FASTKD1: variants seen among roughly 807,000 people sequenced by gnomAD.
FASTKD1 encodes the protein FAST kinase domains 1.
Under a neutral mutation model 90.9 loss-of-function variants are expected in FASTKD1, and 94 were observed. The observed-to-expected ratio is 1.03, with a 90% CI of 0.88 to 1.23. The LOEUF is 1.23. FASTKD1 is among the 50% of genes most tolerant of loss of function. FASTKD1 has a pLI of 0.00. For synonymous variants in FASTKD1, 319 were observed against 345.8 expected (o/e 0.92, Z 0.86); for missense variants, 945 against 993.5 (o/e 0.95, Z 0.66).
chr2:169,560,289 G>A lies in FASTKD1; in HGVS notation c.971+98C>T, dbSNP rs1683517839. ...TTATTTTCCCTTCCACAACCTAATA[G>A]GGTGATATTTGTACCTTCCAGAGCT... On this transcript the variant is annotated intron_variant, in intron 5 of 14. Coordinates refer to ENST00000453153, the MANE Select transcript of FASTKD1 (RefSeq NM_024622.6). 3.4e-6 allele frequency: 3 copies of A among 874,980 alleles called. No individual in the cohort carries two copies. In the East Asian group the frequency reaches 8.1e-5, roughly 23 times the overall value. The allele number at this position is 874,980 out of a possible 1,614,324, so 54.2% of individuals were successfully genotyped here.
At chr2:169,571,290 A>T (rs1327554148) in intron 2 of FASTKD1, 1 of 155,300 alleles carries the variant, frequency 6.4e-6, no homozygotes, top group Non-Finnish European at 1.4e-5. Flanking sequence ...TAGACCTGGC[A>T]CAGTGGCTCA....
At chr2:169,550,156 C>T (rs1215331930) in intron 7 of FASTKD1, among the ~76,000 whole-genome samples, 1 of 151,862 alleles carries the variant, frequency 6.6e-6, no homozygotes, top group Non-Finnish European at 1.5e-5. Context: ...TACAGGTGCA[C>T]ACCACCATGC....
At chr2:169,562,816 C>A (rs1160528305) in intron 4 of FASTKD1, among the ~76,000 whole-genome samples, 1 of 152,082 alleles carries the variant, frequency 6.6e-6, no homozygotes, top group Non-Finnish European at 1.5e-5. Flanking sequence ...TGGATCACAA[C>A]CCATTATGGG....
chr2:169,540,018 G>A, intron 10 of FASTKD1, 33 bp downstream of exon 10: 1 of 1,361,826 alleles, frequency 7.3e-7, no homozygotes, highest in Non-Finnish European at 1.0e-6. Flanking sequence ...AAGTACAACA[G>A]ATAATTAAAT....
At chr2:169,533,753 GTA>G (rs1559137610) in intron 12 of FASTKD1, among the ~76,000 whole-genome samples, 1 of 152,130 alleles carries the variant, frequency 6.6e-6, no homozygotes, top group African/African-American at 2.4e-5. Flanking sequence ...AAAAGATGTT[GTA>G]TAAGCATATC....
chr2:169,556,710 G>A (rs752902143), intron 6 of FASTKD1, among the ~76,000 whole-genome samples: 6 of 151,194 alleles, frequency 4.0e-5, no homozygotes, highest in Non-Finnish European at 8.9e-5. Context: ...CTGTAATCCG[G>A]GCTACTCAGG....
chr2:169,568,401 CTCTA>C (rs1684081145), intron 3 of FASTKD1, among the ~76,000 whole-genome samples: 2 of 151,938 alleles, frequency 1.3e-5, no homozygotes, highest in Admixed American at 6.6e-5. Context: ...ATAGCTGTGA[CTCTA>C]TCTTATTTAT....
At chr2:169,573,193 C>A (rs1052367786) in intron 1 of FASTKD1, 1 of 152,156 alleles carries the variant, frequency 6.6e-6, no homozygotes, top group East Asian at 1.9e-4. Context: ...GCCAAACAGT[C>A]TGTTCACAAG....
chr2:169,554,108 C>CA (rs368580097), intron 7 of FASTKD1, among the ~76,000 whole-genome samples: 15,923 of 118,474 alleles, frequency 0.13, 1,023 homozygotes, highest in South Asian at 0.23. Flanking sequence ...CCCATCTCTA[C>CA]AAAAAAAAAA....
intron 12 of FASTKD1, among the ~76,000 whole-genome samples, chr2:169,536,349 C>T (rs953189801): frequency 2.0e-5 from 3 of 151,996 alleles, no homozygotes; most frequent in Non-Finnish European, 4.4e-5. Context: ...CACTATCTGT[C>T]CTCCTTTGTT....
chr2:169,546,182 A>G, intron 8 of FASTKD1, 36 bp downstream of exon 8: 1 of 1,506,820 alleles, frequency 6.6e-7, no homozygotes, highest in Non-Finnish European at 8.8e-7. Context: ...GAAGTTGACA[A>G]CTCTATAAAA....
chr2:169,537,175 T>C, intron 12 of FASTKD1, 52 bp downstream of exon 12: 1 of 1,075,524 alleles, frequency 9.3e-7, no homozygotes, highest in Non-Finnish European at 1.4e-6. Context: ...ATGATTCTAT[T>C]CAAATTAGTT....
chr2:169,570,712 G>C (rs12467047), intron 2 of FASTKD1, among the ~76,000 whole-genome samples: 25,686 of 139,076 alleles, frequency 0.18, 2,385 homozygotes, highest in South Asian at 0.27. Context: ...GTCTCACTCT[G>C]TCGCCCAGAA....
In FASTKD1 at chr2:169,537,222, C is replaced by A. The variant is rs1055267661; in HGVS notation, c.2188+5G>T. 2.0e-6 allele frequency: 3 copies of A among 1,528,592 alleles called. No homozygotes were observed. Among genetic ancestry groups the A allele is most frequent in the Admixed American group, 3.3e-5 (2 of 59,782 alleles). 94.7% of individuals were successfully genotyped at this position (1,528,592 alleles called of 1,614,324 possible). On this transcript the variant is annotated splice_donor_5th_base_variant and intron_variant, in intron 12 of 14. Transcript: ENST00000453153. ...AAGTAACTAATAACCTACCCAATAA[C>A]TTACCTACTTTGTGGTAATAAGGCG...
chr2:169,545,965 AC>A (rs1685172711), intron 8 of FASTKD1, among the ~76,000 whole-genome samples: 1 of 152,078 alleles, frequency 6.6e-6, no homozygotes, highest in East Asian at 1.9e-4. Context: ...ACAGGGTCTC[AC>A]TCTGTCACAC....
chr2:169,570,981 T>C (rs1684207680), intron 2 of FASTKD1: 1 of 152,214 alleles, frequency 6.6e-6, no homozygotes, highest in Admixed American at 6.5e-5. Context: ...CGACTGGCAT[T>C]AATCTTAAAT....
chr2:169,561,928 TTTGTTAATTTATTATAAATTAA>T (rs1683671930), intron 4 of FASTKD1, among the ~76,000 whole-genome samples: 1 of 141,064 alleles, frequency 7.1e-6, no homozygotes, highest in African/African-American at 2.6e-5. Context: ...AAATCAATTA[TTTGTTAATTTATTATAAATTAA>T]TTATTAATTT....
Position 169,560,641 on chromosome 2 carries a change from T to G in FASTKD1, c.717A>C (p.Arg239=). ...NVAKSIAKFL[R]NVRYRYQPLL... is the part of the protein sequence containing the mutation. ...GTGGTTGATAACGATATCTAACATT[T>G]CGAAGAAACTTTGCTATGCTTTTTG... The change falls in exon 5 of 15, where the codon CGA becomes CGC. Residue 239 remains arginine, a synonymous_variant. Transcript: ENST00000453153. 1 of 1,613,134 alleles carries G rather than the reference T, an allele frequency of 6.2e-7. No homozygotes were observed.
In FASTKD1 at chr2:169,555,178, A is replaced by G. The variant is rs144999608; in HGVS notation, c.1160T>C (p.Phe387Ser). ...ELLKITQELT[F>S]LHFQRKEFFA... ...AAACTCCTTCCTTTGGAAATGCAGA[A>G]AAGTTAATTCTTGAGTTATCTTCAA... The change falls in exon 7 of 15, where the codon TTT (phenylalanine) becomes TCT (serine). Residue 387 changes from phenylalanine (F) to serine (S), a missense_variant. Phe to Ser is a radical substitution (Grantham distance 155, BLOSUM62 -2). Coordinates refer to ENST00000453153, the MANE Select transcript of FASTKD1 (RefSeq NM_024622.6). 4.3e-6 allele frequency: 7 copies of G among 1,612,734 alleles called. No individual in the cohort carries two copies. The African/African-American group carries it at 8.0e-5, about 18-fold the overall frequency.
Sources: allele counts gnomAD v4.1 joint callset (sites outside exome capture counted in the v4.1 genomes callset), GRCh38; gene constraint gnomAD v4.1.1; transcripts MANE v1.5; gene names NCBI Gene and HGNC (gene_info 2026-07-23, HGNC 2026-07-21).